PALM2AKAP2: variants seen among roughly 807,000 people sequenced by gnomAD.
PALM2AKAP2 encodes PALM2-AKAP2 fusion protein.
In PALM2AKAP2, 37 loss-of-function variants were observed where a neutral mutation model predicts 71.5. The ratio of observed to expected loss-of-function variants is 0.52; its 90% CI spans 0.40 to 0.68. The LOEUF (loss-of-function observed/expected upper bound fraction) is 0.68. Among genes scored for constraint, PALM2AKAP2 ranks in the 30% least tolerant of loss-of-function variants. PALM2AKAP2 has a pLI of 0.00. For synonymous variants in PALM2AKAP2, 468 were observed against 478.8 expected (o/e 0.98, Z 0.29); for missense variants, 1,224 against 1,191.8 (o/e 1.03, Z -0.40).
chr9:110,005,230 G>A (rs1166071920), intron 6 of PALM2AKAP2, among the ~76,000 whole-genome samples: 3 of 152,196 alleles, frequency 2.0e-5, no homozygotes, highest in African/African-American at 7.2e-5. Flanking sequence ...CTGTTTGTTA[G>A]TTTTCCTTCT....
intron 1 of PALM2AKAP2, among the ~76,000 whole-genome samples, chr9:109,699,344 T>G (rs1828019287): frequency 6.6e-6 from 1 of 152,236 alleles, no homozygotes; most frequent in African/African-American, 2.4e-5. Flanking sequence ...AATCAAAAGC[T>G]TGAAACTAGT....
chr9:110,141,774 C>T (rs1170068754), intron 2 of PALM2AKAP2, among the ~76,000 whole-genome samples: 2 of 152,212 alleles, frequency 1.3e-5, no homozygotes, highest in Admixed American at 1.3e-4. Flanking sequence ...TAATTTTTAA[C>T]TTCTCTGGTA....
intron 5 of PALM2AKAP2, among the ~76,000 whole-genome samples, chr9:109,928,233 G>T (rs889648847): frequency 4.6e-5 from 7 of 152,168 alleles, no homozygotes; most frequent in Non-Finnish European, 8.8e-5. Context: ...CCCCCGAATA[G>T]CTGGGATTAC....
chr9:110,163,551 T>A (rs1161015766), intron 3 of PALM2AKAP2, among the ~76,000 whole-genome samples: 1 of 152,218 alleles, frequency 6.6e-6, no homozygotes, highest in Non-Finnish European at 1.5e-5. Context: ...CCATGCATGG[T>A]TTTATACTTA....
At chr9:109,870,743 A>G (rs1334031080) in intron 2 of PALM2AKAP2, among the ~76,000 whole-genome samples, 1 of 152,192 alleles carries the variant, frequency 6.6e-6, no homozygotes, top group Non-Finnish European at 1.5e-5. Flanking sequence ...TCATTTAGTG[A>G]GATGCCAGTT....
chr9:109,801,239 A>G (rs1827421914), intron 1 of PALM2AKAP2, among the ~76,000 whole-genome samples: 1 of 152,218 alleles, frequency 6.6e-6, no homozygotes. Flanking sequence ...GCAAACTCAG[A>G]CAAGAGAATG....
chr9:109,934,405 G>A (rs531199471), intron 6 of PALM2AKAP2, among the ~76,000 whole-genome samples: 44 of 152,260 alleles, frequency 2.9e-4, no homozygotes, highest in African/African-American at 9.1e-4. Flanking sequence ...CCCTTCAAGT[G>A]TAGAAAGTCA....
chr9:109,734,378 G>A (rs1353761907), intron 1 of PALM2AKAP2, among the ~76,000 whole-genome samples: 1 of 152,068 alleles, frequency 6.6e-6, no homozygotes, highest in East Asian at 1.9e-4. Context: ...ACATTGAACT[G>A]TGCTGATAGA....
chr9:110,062,307 T>C (rs1833982705), intron 1 of PALM2AKAP2, among the ~76,000 whole-genome samples: 1 of 152,046 alleles, frequency 6.6e-6, no homozygotes, highest in Non-Finnish European at 1.5e-5. Flanking sequence ...TGTATACTCA[T>C]TGTTCAGCTC....
chr9:110,136,966 T>A (rs779198467), exon 2 of PALM2AKAP2: 3 of 1,613,708 alleles, frequency 1.9e-6, no homozygotes, highest in Non-Finnish European at 2.5e-6. Context: ...AATGGTGGAA[T>A]CCCCCGCAGG....
At chr9:109,737,465 T>G (rs1326144172) in intron 1 of PALM2AKAP2, among the ~76,000 whole-genome samples, 4 of 152,224 alleles carry the variant, frequency 2.6e-5, no homozygotes, top group Non-Finnish European at 4.4e-5. Flanking sequence ...GAGTGTGTAT[T>G]TGGAAGAAGA....
intron 6 of PALM2AKAP2, among the ~76,000 whole-genome samples, chr9:109,940,821 C>T (rs979415195): frequency 6.6e-6 from 1 of 152,180 alleles, no homozygotes; most frequent in Non-Finnish European, 1.5e-5. Flanking sequence ...TTTGCAGACA[C>T]ATCCTGAAGG....
chr9:109,877,112 G>C (rs1829738139), intron 2 of PALM2AKAP2, among the ~76,000 whole-genome samples: 1 of 152,134 alleles, frequency 6.6e-6, no homozygotes, highest in South Asian at 2.1e-4. Context: ...ACTGTCCATG[G>C]CTGCTTTTCC....
At chr9:109,923,698 A>G in intron 3 of PALM2AKAP2, 37 bp from the exon 4 acceptor site, 1 of 1,552,534 alleles carries the variant, frequency 6.4e-7, no homozygotes, top group East Asian at 2.4e-5. Flanking sequence ...ATGGCAGGAC[A>G]ATAAAGTAAC....
intron 6 of PALM2AKAP2, among the ~76,000 whole-genome samples, chr9:109,942,262 A>C (rs1334930145): frequency 6.6e-6 from 1 of 152,228 alleles, no homozygotes; most frequent in African/African-American, 2.4e-5. Context: ...ACTTGATGAA[A>C]GAGGTTTTTT....
chr9:109,967,737 G>A (rs965778389), intron 6 of PALM2AKAP2, among the ~76,000 whole-genome samples: 2 of 152,222 alleles, frequency 1.3e-5, no homozygotes, highest in African/African-American at 4.8e-5. Context: ...AGGGAGAAGT[G>A]TCAAAGAATT....
intron 1 of PALM2AKAP2, among the ~76,000 whole-genome samples, chr9:109,702,938 C>A (rs894676209): frequency 3.3e-5 from 5 of 151,848 alleles, no homozygotes; most frequent in Admixed American, 2.6e-4. Flanking sequence ...CCTGCCTTAG[C>A]CTCCCATGTA....
rs112722146 is a variant in PALM2AKAP2, at chr9:110,118,208, TAC to T, written c.157-17905_157-17904del. Among the ~76,000 whole-genome samples, 11 of 149,140 alleles carry T rather than the reference TAC, an allele frequency of 7.4e-5. No homozygotes were observed. The South Asian group carries it at 1.9e-3, about 26-fold the overall frequency. ...TATTCCATGTATATATACAGAAATA[TAC>T]ACACACACACACAAATTATATCCTT... On this transcript the variant is annotated intron_variant, in intron 1 of 3. Transcript: ENST00000374525.
rs139223303 is a variant in PALM2AKAP2, at chr9:109,959,088, C to A, written c.496+27060C>A. Among the ~76,000 whole-genome samples, 801 of 152,306 alleles carry A rather than the reference C, an allele frequency of 5.3e-3. 10 individuals carry two copies. The highest frequency in any genetic ancestry group is 0.018 in the Admixed American group (282 of 15,300). On this transcript the variant is annotated intron_variant, in intron 6 of 9. Coordinates refer to the PALM2AKAP2 transcript ENST00000302798. The stretch of plus-strand genomic sequence containing the variant: ...AGAATACTGCAGACACGTGCCACTG[C>A]TCCCCTATTCTAGATGTTTTCTCCA...
Sources: gnomAD v4.1 joint callset for allele counts (sites outside exome capture counted in the v4.1 genomes callset) on GRCh38, gnomAD v4.1.1 for gene constraint, MANE v1.5 for transcripts, NCBI Gene and HGNC (gene_info 2026-07-23, HGNC 2026-07-21) for gene names.